Variants in GNAL observed in about 807,000 individuals in gnomAD.
GNAL encodes the protein guanine nucleotide-binding protein G(olf) subunit alpha.
In GNAL, 18 loss-of-function variants were observed where a neutral mutation model predicts 55.1. The observed-to-expected ratio is 0.33, with a 90% CI of 0.23 to 0.48. The LOEUF (loss-of-function observed/expected upper bound fraction) is 0.48, where lower values mean the gene tolerates loss of function less well. Among genes scored for constraint, GNAL ranks in the 20% least tolerant of loss-of-function variants. The pLI, the probability that GNAL is intolerant of heterozygous loss-of-function variation, is 0.99. For missense variants in GNAL, 412 were observed against 614.1 expected (o/e 0.67, Z 3.48); for synonymous variants, 253 against 237.0 (o/e 1.07, Z -0.62).
intron 4 of GNAL, among the ~76,000 whole-genome samples, chr18:11,780,716 T>TA (rs1018149410): frequency 4.9e-4 from 75 of 152,296 alleles, no homozygotes; most frequent in African/African-American, 1.7e-3. Context: ...CTCATGGAGT[T>TA]ACACTGAGGA....
chr18:11,705,120 C>T (rs970305484), intron 1 of GNAL, among the ~76,000 whole-genome samples: 5 of 152,152 alleles, frequency 3.3e-5, no homozygotes, highest in South Asian at 4.1e-4. Flanking sequence ...CCACTTCCCT[C>T]TCCCCCAAAC....
chr18:11,740,857 A>G (rs1210003510), intron 1 of GNAL, among the ~76,000 whole-genome samples: 3 of 152,254 alleles, frequency 2.0e-5, no homozygotes, highest in Non-Finnish European at 4.4e-5. Context: ...AACATAGACA[A>G]ATATGAAGCT....
intron 8 of GNAL, among the ~76,000 whole-genome samples, chr18:11,867,688 C>T (rs1279006500): frequency 1.3e-5 from 2 of 151,924 alleles, no homozygotes; most frequent in East Asian, 3.9e-4. Flanking sequence ...GTGGTGGGTG[C>T]CTGTAGTCCC....
At chr18:11,807,309 C>T (rs1270447916) in intron 4 of GNAL, among the ~76,000 whole-genome samples, 1 of 152,214 alleles carries the variant, frequency 6.6e-6, no homozygotes, top group African/African-American at 2.4e-5. Flanking sequence ...CAACGATTCA[C>T]TGGCTGCTGA....
At chr18:11,877,335 A>G (rs535722522) in intron 11 of GNAL, among the ~76,000 whole-genome samples, 49 of 152,244 alleles carry the variant, frequency 3.2e-4, no homozygotes, top group African/African-American at 1.1e-3. Flanking sequence ...TGCGCCTGTA[A>G]TCCCAGCTAC....
chr18:11,858,784 C>T (rs2036065319), intron 5 of GNAL, among the ~76,000 whole-genome samples: 1 of 152,174 alleles, frequency 6.6e-6, no homozygotes, highest in South Asian at 2.1e-4. Context: ...AGAAGCAGCT[C>T]TTGGAAATGT....
At chr18:11,714,744 C>A (rs2031913919) in intron 1 of GNAL, among the ~76,000 whole-genome samples, 1 of 152,184 alleles carries the variant, frequency 6.6e-6, no homozygotes, top group South Asian at 2.1e-4. Context: ...TCTTTGTAGC[C>A]ATCTGTTTAG....
At chr18:11,764,673 C>T (rs1568016316) in intron 4 of GNAL, among the ~76,000 whole-genome samples, 1 of 152,058 alleles carries the variant, frequency 6.6e-6, no homozygotes, top group African/African-American at 2.4e-5. Flanking sequence ...TGGTGGCTGC[C>T]ACCTGAAATA....
At chr18:11,839,569 ATTTTTTTTCTT>A (rs2035569387) in intron 5 of GNAL, among the ~76,000 whole-genome samples, 1 of 150,286 alleles carries the variant, frequency 6.7e-6, no homozygotes, top group Non-Finnish European at 1.5e-5. Context: ...AAAAAAAAAA[ATTTTTTTTCTT>A]TAAAGCTCAG....
intron 4 of GNAL, among the ~76,000 whole-genome samples, chr18:11,768,443 A>C (rs2033480882): frequency 6.6e-6 from 1 of 152,088 alleles, no homozygotes; most frequent in Non-Finnish European, 1.5e-5. Context: ...CTCTACTAAA[A>C]ATACAAAATT....
intron 11 of GNAL, among the ~76,000 whole-genome samples, chr18:11,878,819 C>T: frequency 6.6e-6 from 1 of 152,044 alleles, no homozygotes; most frequent in East Asian, 1.9e-4. Context: ...CCTCCTGCCT[C>T]CACCTCCCAA....
intron 9 of GNAL, among the ~76,000 whole-genome samples, chr18:11,870,110 C>G (rs1255905207): frequency 2.6e-5 from 4 of 152,160 alleles, no homozygotes; most frequent in Admixed American, 2.6e-4. Context: ...TATAAGGGAG[C>G]CTCCTCAAAT....
chr18:11,734,065 T>C (rs1354495046), intron 1 of GNAL, among the ~76,000 whole-genome samples: 1 of 151,940 alleles, frequency 6.6e-6, no homozygotes, highest in Non-Finnish European at 1.5e-5. Context: ...TTAGTTCAGA[T>C]GAAACCATCT....
At chr18:11,862,918 G>A (rs755574082) in intron 6 of GNAL, among the ~76,000 whole-genome samples, 21 of 144,318 alleles carry the variant, frequency 1.5e-4, no homozygotes, top group Non-Finnish European at 2.2e-4. Context: ...TTGCTCTGTC[G>A]CCCAGACTGG....
At chr18:11,862,703 C>T (rs758640702) in intron 6 of GNAL, among the ~76,000 whole-genome samples, 10 of 151,924 alleles carry the variant, frequency 6.6e-5, no homozygotes, top group Admixed American at 2.0e-4. Context: ...AGGAATATGC[C>T]GTTCCTTTTC....
chr18:11,713,723 A>G (rs980800878), intron 1 of GNAL, among the ~76,000 whole-genome samples: 2 of 152,356 alleles, frequency 1.3e-5, no homozygotes, highest in Non-Finnish European at 2.9e-5. Flanking sequence ...AACAGGCTGT[A>G]GAGCCAGGAC....
At chr18:11,846,246 A>T in intron 5 of GNAL, among the ~76,000 whole-genome samples, 1 of 152,186 alleles carries the variant, frequency 6.6e-6, no homozygotes, top group African/African-American at 2.4e-5. Flanking sequence ...CTAACATGGA[A>T]GTTAGGTTTC....
At chr18:11,698,722 T>G (rs35337918) in intron 1 of GNAL, among the ~76,000 whole-genome samples, 22,276 of 151,814 alleles carry the variant, frequency 0.15, 2,867 homozygotes, top group African/African-American at 0.35. Flanking sequence ...ACTGGAATGG[T>G]GGGTGCTCCT....
chr18:11,704,758 G>A (rs2031663500), intron 1 of GNAL, among the ~76,000 whole-genome samples: 1 of 148,506 alleles, frequency 6.7e-6, no homozygotes, highest in South Asian at 2.1e-4. Context: ...TATTAATGGA[G>A]GTGAAAGTTA....
Sources: allele counts gnomAD v4.1 joint callset (sites outside exome capture counted in the v4.1 genomes callset), GRCh38; gene constraint gnomAD v4.1.1; transcripts MANE v1.5; gene names NCBI Gene and HGNC (gene_info 2026-07-23, HGNC 2026-07-21).